HUWE1: variants seen among roughly 807,000 people sequenced by gnomAD.
HUWE1 encodes E3 ubiquitin-protein ligase HUWE1.
In HUWE1, 18 loss-of-function variants were observed where a neutral mutation model predicts 299.4. That is an observed-to-expected ratio of 0.06 (90% CI 0.04 to 0.09). The LOEUF (loss-of-function observed/expected upper bound fraction) is 0.09. HUWE1 is among the 10% of genes least tolerant of loss of function. HUWE1 has a pLI of 1.00. For synonymous variants in HUWE1, 1,317 were observed against 1,286.1 expected (o/e 1.02, Z -0.51); for missense variants, 1,832 against 3,462.3 (o/e 0.53, Z 11.82).
At chrX:53,551,600 G>T in intron 63 of HUWE1, 120 bp from the exon 64 acceptor site, 1 of 628,187 alleles carries the variant, frequency 1.6e-6, no homozygotes, top group Non-Finnish European at 2.5e-6. Flanking sequence ...GCAGTGTTGA[G>T]CTCCTGGGCT....
In HUWE1 at chrX:53,532,639, AGGAAGTTGC is replaced by A. The variant is rs2060823004; in HGVS notation, c.*661_*669del. ...TGACTGCAGAAACTGACTCTGAAGG[AGGAAGTTGC>A]ACCAGTGGTGGAGGCAGGTGGGCAA... is the stretch of plus-strand genomic sequence containing the variant. On this transcript the variant is annotated 3_prime_UTR_variant, in exon 84 of 84. Coordinates refer to ENST00000262854, the MANE Select transcript of HUWE1 (RefSeq NM_031407.7). 1 of 110,320 alleles carries A rather than the reference AGGAAGTTGC, an allele frequency of 9.1e-6. No homozygotes were observed. Among genetic ancestry groups the A allele is most frequent in the Admixed American group, 9.7e-5 (1 of 10,325 alleles). 9.1% of individuals were successfully genotyped at this position (110,320 alleles called of 1,213,427 possible).
chrX:53,564,085 T>G (rs1403047686), intron 51 of HUWE1, among the ~76,000 whole-genome samples: 5 of 111,888 alleles, frequency 4.5e-5, no homozygotes, highest in African/African-American at 1.6e-4. Context: ...ACATAATAGA[T>G]CTCTTTAAAG....
At chrX:53,594,689 A>C in intron 30 of HUWE1, 68 bp from the exon 31 acceptor site, 1 of 1,108,843 alleles carries the variant, frequency 9.0e-7, no homozygotes. Flanking sequence ...TAGGAAATTC[A>C]TGTAAAAGGC....
Position 53,589,531 on chromosome X carries a change from C to T in HUWE1, c.4461+16G>A, listed in dbSNP as rs368820584. On this transcript the variant is annotated intron_variant, in intron 36 of 83. Transcript: ENST00000262854. ...CACTTCACATACTCCCCTCTTCTGA[C>T]CCCTTGAGAGCTCACCTGATTGACT... 4 of 1,206,481 alleles carry T rather than the reference C, an allele frequency of 3.3e-6. No individual in the cohort carries two copies. Among genetic ancestry groups the T allele is most frequent in the African/African-American group, 3.5e-5 (2 of 57,056 alleles).
chrX:53,684,183 G>A, intron 2 of HUWE1: 1 of 243,796 alleles, frequency 4.1e-6, no homozygotes. Flanking sequence ...AACCTACCAC[G>A]GCCGGCTCCC....
chrX:53,576,436 T>C (rs1556958830), intron 44 of HUWE1, among the ~76,000 whole-genome samples: 1 of 112,083 alleles, frequency 8.9e-6, no homozygotes, highest in Non-Finnish European at 1.9e-5. Flanking sequence ...ACACACCTCC[T>C]AATATTGCCT....
intron 2 of HUWE1, among the ~76,000 whole-genome samples, chrX:53,681,670 G>C (rs1436804996): frequency 8.9e-6 from 1 of 111,815 alleles, no homozygotes; most frequent in Non-Finnish European, 1.9e-5. Context: ...ACTGATCTGA[G>C]GAACCAAACA....
rs1385494667 is a variant in HUWE1 at position 53,569,899 on chromosome X, T to C, written c.6313-72A>G. ...CATATCATTTGCACAGGACCAAAGA[T>C]ACACACACACATAGTATTTCCTTAA... On this transcript the variant is annotated intron_variant, in intron 47 of 83. Transcript: ENST00000262854. The C allele has an allele frequency of 1.0e-5, 9 of 860,899 alleles. No homozygotes were observed. The African/African-American group carries it at 1.2e-4, about 11-fold the overall frequency. The allele number at this position is 860,899 out of a possible 1,213,427, so 70.9% of individuals were successfully genotyped here. A position where few individuals can be genotyped will look rare whatever the true frequency, so the allele number is the denominator to read the frequency against.
At chrX:53,664,853 TAA>T (rs1221394819) in intron 3 of HUWE1, among the ~76,000 whole-genome samples, 4 of 111,312 alleles carry the variant, frequency 3.6e-5, no homozygotes, top group African/African-American at 9.8e-5. Flanking sequence ...TATGATTTGT[TAA>T]AGGGGACACC....
chrX:53,580,749 A>T, intron 43 of HUWE1, 82 bp downstream of exon 43: 1 of 983,309 alleles, frequency 1.0e-6, no homozygotes, highest in Non-Finnish European at 1.4e-6. Flanking sequence ...TCTTCAAGTT[A>T]CAGACCTCCT....
intron 29 of HUWE1, among the ~76,000 whole-genome samples, chrX:53,596,758 T>A (rs782730200): frequency 8.9e-6 from 1 of 112,545 alleles, no homozygotes; most frequent in Non-Finnish European, 1.9e-5. Context: ...TATGACCCCA[T>A]ATGAAGTGTC....
intron 17 of HUWE1, 147 bp downstream of exon 17, chrX:53,627,263 C>A (rs2066573392): frequency 2.6e-6 from 1 of 386,134 alleles, no homozygotes; most frequent in Admixed American, 4.4e-5. Flanking sequence ...ATTTGCAAAT[C>A]ACTTACATAG....
intron 9 of HUWE1, chrX:53,632,078 T>C (rs1557023213): frequency 2.9e-6 from 1 of 345,383 alleles, no homozygotes; most frequent in East Asian, 8.7e-5. Flanking sequence ...AACTCTTTAG[T>C]ACCTCCTCAA....
intron 61 of HUWE1, among the ~76,000 whole-genome samples, chrX:53,553,224 A>T (rs1411417175): frequency 1.8e-5 from 2 of 109,336 alleles, no homozygotes; most frequent in African/African-American, 6.7e-5. Flanking sequence ...GCTCACTGCA[A>T]TCTCCGCCTC....
chrX:53,653,874 C>T (rs1557041619), intron 4 of HUWE1, among the ~76,000 whole-genome samples, 189 bp downstream of exon 4: 1 of 111,896 alleles, frequency 8.9e-6, no homozygotes, highest in Non-Finnish European at 1.9e-5. Context: ...CCACTGGTCT[C>T]TTGGCTATCC....
chrX:53,543,739 T>C, intron 73 of HUWE1, 102 bp downstream of exon 73: 1 of 1,138,017 alleles, frequency 8.8e-7, no homozygotes, highest in Non-Finnish European at 1.2e-6. Context: ...GCAAACTTAA[T>C]GCAAAAGCAT....
intron 77 of HUWE1, 25 bp downstream of exon 77, chrX:53,538,312 A>AC: frequency 9.4e-7 from 1 of 1,058,614 alleles, no homozygotes; most frequent in Non-Finnish European, 1.3e-6. Flanking sequence ...CCACCCCTCT[A>AC]CCCCCCAATA....
At chrX:53,565,270 G>C (rs1018911444) in intron 49 of HUWE1, 31 bp from the exon 50 acceptor site, 2 of 1,139,466 alleles carry the variant, frequency 1.8e-6, no homozygotes, top group African/African-American at 3.6e-5. Flanking sequence ...GAGATGGACT[G>C]AGCACAGAAA....
At chrX:53,684,675 G>A (rs782465889) in intron 2 of HUWE1, among the ~76,000 whole-genome samples, 13 of 112,179 alleles carry the variant, frequency 1.2e-4, no homozygotes, top group African/African-American at 3.9e-4. Flanking sequence ...TATTATCCTG[G>A]ACTAACATTT....
Sources: gnomAD v4.1 joint callset for allele counts (sites outside exome capture counted in the v4.1 genomes callset) on GRCh38, gnomAD v4.1.1 for gene constraint, MANE v1.5 for transcripts, NCBI Gene and HGNC (gene_info 2026-07-23, HGNC 2026-07-21) for gene names.